Variants in CAPS2 observed in about 807,000 individuals in gnomAD.
CAPS2 encodes the protein calcyphosine 2.
CAPS2 carries 98 observed loss-of-function variants against 86.5 expected under a neutral mutation model. The ratio of observed to expected loss-of-function variants is 1.13; its 90% CI spans 0.96 to 1.34. CAPS2 has a LOEUF of 1.34. CAPS2 is among the 40% of genes most tolerant of loss of function. CAPS2 has a pLI of 0.00. For synonymous variants in CAPS2, 210 were observed against 225.1 expected (o/e 0.93, Z 0.60); for missense variants, 729 against 686.8 (o/e 1.06, Z -0.69).
intron 1 of CAPS2, among the ~76,000 whole-genome samples, chr12:75,378,197 C>G (rs990184556): frequency 6.6e-6 from 1 of 152,006 alleles, no homozygotes; most frequent in Non-Finnish European, 1.5e-5. Flanking sequence ...TGGGGTTTTG[C>G]CACGTTGCCC....
chr12:75,385,515 T>G (rs999000643), intron 1 of CAPS2, among the ~76,000 whole-genome samples: 1 of 152,176 alleles, frequency 6.6e-6, no homozygotes, highest in Non-Finnish European at 1.5e-5. Flanking sequence ...TACTTAATGA[T>G]GAGAAACAGG....
In CAPS2 at chr12:75,316,305, A is replaced by C; in HGVS notation, c.591+7T>G. Reference sequence around the variant, plus strand: ...TCACCAAATAAGTAAAAATGCTGACAACTTACTGCATCCAATTTTCTTGCC... The same window carrying C: ...TCACCAAATAAGTAAAAATGCTGACCACTTACTGCATCCAATTTTCTTGCC... On this transcript the variant is annotated splice_region_variant and intron_variant, in intron 6 of 16. Coordinates refer to ENST00000393284, the Ensembl canonical transcript of CAPS2. 6.5e-7 allele frequency: 1 copy of C among 1,550,342 alleles called. No homozygotes were observed. The highest frequency in any genetic ancestry group is 8.7e-7 in the Non-Finnish European group (1 of 1,146,114).
chr12:75,276,248 C>A, downstream of CAPS2: 2 of 1,541,786 alleles, frequency 1.3e-6, no homozygotes, highest in Non-Finnish European at 1.8e-6. Flanking sequence ...GCTGGTCAAC[C>A]TAGTAGTGAT....
At chr12:75,309,887 G>C (rs1227307300) in intron 7 of CAPS2, among the ~76,000 whole-genome samples, 1 of 152,208 alleles carries the variant, frequency 6.6e-6, no homozygotes, top group African/African-American at 2.4e-5. Context: ...TACACAGAAT[G>C]TTAGAGTTAT....
intron 1 of CAPS2, among the ~76,000 whole-genome samples, chr12:75,380,183 T>C (rs1418607099): frequency 6.6e-6 from 1 of 152,214 alleles, no homozygotes. Context: ...TTTTATATTA[T>C]TTGCTTGCAT....
intron 16 of CAPS2, among the ~76,000 whole-genome samples, chr12:75,279,670 C>T (rs2033549685): frequency 6.6e-6 from 1 of 151,848 alleles, no homozygotes; most frequent in Non-Finnish European, 1.5e-5. Flanking sequence ...AAGAAGTTTG[C>T]TTTCTTTTAA....
intron 1 of CAPS2, among the ~76,000 whole-genome samples, chr12:75,354,046 G>T (rs570040916): frequency 1.3e-5 from 2 of 151,590 alleles, no homozygotes; most frequent in East Asian, 3.9e-4. Context: ...ATACTGAATG[G>T]GCAAAAGCTG....
chr12:75,282,977 AG>A (rs2034251567), intron 15 of CAPS2, among the ~76,000 whole-genome samples: 1 of 152,172 alleles, frequency 6.6e-6, no homozygotes, highest in Admixed American at 6.5e-5. Context: ...AAGACCTCTC[AG>A]GTAACTTCCA....
chr12:75,311,700 GAAAAAAAAAAACAAAAAAAAAAACAA>G (rs1389228964), intron 7 of CAPS2, among the ~76,000 whole-genome samples: 6 of 6,702 alleles, frequency 9.0e-4, no homozygotes, highest in Non-Finnish European at 2.0e-3. Flanking sequence ...AGCCATGCAG[GAAAAAAAAAAACAAAAAAAAAAACAA>G]AAAAAAAAAA....
intron 9 of CAPS2, 27 bp downstream of exon 9, chr12:75,299,810 T>C: frequency 8.6e-7 from 1 of 1,163,506 alleles, no homozygotes; most frequent in Non-Finnish European, 1.2e-6. Context: ...ATCATAGGAT[T>C]AAAAATTTTA....
chr12:75,376,607 G>A (rs752392967), intron 1 of CAPS2, among the ~76,000 whole-genome samples: 1 of 152,158 alleles, frequency 6.6e-6, no homozygotes, highest in Non-Finnish European at 1.5e-5. Flanking sequence ...AAGGGATATT[G>A]CTACCACCTC....
intron 1 of CAPS2, among the ~76,000 whole-genome samples, chr12:75,350,174 A>AG (rs1454214573): frequency 1.3e-5 from 2 of 152,246 alleles, no homozygotes; most frequent in Non-Finnish European, 2.9e-5. Flanking sequence ...CCTTCTTGCC[A>AG]GGCAGGGCCT....
chr12:75,282,199 T>TTAA (rs2034076604), intron 16 of CAPS2, 52 bp downstream of exon 16: 2 of 967,108 alleles, frequency 2.1e-6, no homozygotes, highest in Admixed American at 1.7e-5. Context: ...AGATATTATC[T>TTAA]TTATTAAGTA....
At position 75,311,749 on chromosome 12, in the gene CAPS2, C is replaced by T. The variant is rs530803337; in HGVS notation, c.659+1099G>A. 7.8e-5 allele frequency among the ~76,000 whole-genome samples: 7 copies of T among 89,348 alleles called. No homozygotes were observed. The South Asian group carries it at 1.5e-3, about 19-fold the overall frequency. The allele number at this position is 89,348 out of a possible 152,430, so 58.6% of individuals were successfully genotyped here. On this transcript the variant is annotated intron_variant, in intron 7 of 16. Transcript: ENST00000393284. ...CAAAAAAAAAAAAAAAAACCTGCCTCAAAGAAAATAAGGTTTCAAATGAGA... is the reference window on the plus strand; with the variant it reads ...CAAAAAAAAAAAAAAAAACCTGCCTTAAAGAAAATAAGGTTTCAAATGAGA...
At chr12:75,347,396 A>T (rs915189714) in intron 1 of CAPS2, among the ~76,000 whole-genome samples, 1 of 152,102 alleles carries the variant, frequency 6.6e-6, no homozygotes, top group Non-Finnish European at 1.5e-5. Context: ...CTTTTGATTT[A>T]TAAGAATTAC....
intron 7 of CAPS2, among the ~76,000 whole-genome samples, chr12:75,307,123 G>A (rs139155696): frequency 9.4e-4 from 143 of 152,246 alleles, no homozygotes; most frequent in African/African-American, 3.3e-3. Flanking sequence ...CTTGCCTGCC[G>A]CGATAATTAG....
At chr12:75,293,465 G>C (rs538468941) in intron 11 of CAPS2, 98 bp from the exon 12 acceptor site, 1 of 777,402 alleles carries the variant, frequency 1.3e-6, no homozygotes, top group Non-Finnish European at 2.2e-6. Flanking sequence ...AATGTGACAC[G>C]ATATACTTTA....
rs545828555 is a variant in CAPS2, at chr12:75,319,345, GT to G, written c.468+2054del. On this transcript the variant is annotated intron_variant, in intron 5 of 16. Coordinates refer to ENST00000393284, the Ensembl canonical transcript of CAPS2. ...GTGTTGTCCCCTTGGAGGCGAGTGA[GT>G]TTTCATTCTATTATTTCCCAAGAGT... Among the ~76,000 whole-genome samples the G allele has an allele frequency of 3.9e-5, 6 of 152,214 alleles. No individual in the cohort carries two copies. In the East Asian group the frequency reaches 1.2e-3, roughly 29 times the overall value.
At chr12:75,346,026 C>G (rs2042421795) in intron 1 of CAPS2, among the ~76,000 whole-genome samples, 1 of 152,142 alleles carries the variant, frequency 6.6e-6, no homozygotes. Flanking sequence ...CACTTATCAC[C>G]TACTGATATT....
Sources: allele counts gnomAD v4.1 joint callset (sites outside exome capture counted in the v4.1 genomes callset), GRCh38; gene constraint gnomAD v4.1.1; transcripts MANE v1.5; gene names NCBI Gene and HGNC (gene_info 2026-07-23, HGNC 2026-07-21).